Variants in TMEM232 observed in about 807,000 individuals in gnomAD.
TMEM232 encodes transmembrane protein 232.
In TMEM232, 80 loss-of-function variants were observed where a neutral mutation model predicts 78.8. The ratio of observed to expected loss-of-function variants is 1.01; its 90% CI spans 0.85 to 1.22. The LOEUF (loss-of-function observed/expected upper bound fraction) is 1.22. Ranked by LOEUF, TMEM232 falls within the 50% of genes most tolerant of loss-of-function variation. The probability of loss-of-function intolerance (pLI) is 0.00; values close to 1 mark genes in which losing one functional copy is unlikely to be tolerated. For missense variants in TMEM232, 881 were observed against 742.2 expected (o/e 1.19, Z -2.17); for synonymous variants, 297 against 254.3 (o/e 1.17, Z -1.60).
intron 1 of TMEM232, among the ~76,000 whole-genome samples, chr5:110,736,650 T>G (rs920163379): frequency 3.9e-5 from 6 of 152,060 alleles, no homozygotes; most frequent in African/African-American, 1.4e-4. Context: ...ATTACTATTT[T>G]TTGCCTCAGC....
intron 12 of TMEM232, among the ~76,000 whole-genome samples, chr5:110,518,088 C>A (rs2149491000): frequency 6.6e-6 from 1 of 151,612 alleles, no homozygotes; most frequent in Non-Finnish European, 1.5e-5. Flanking sequence ...CTTATTTCTC[C>A]ATTTGCTATT....
At chr5:110,721,494 G>A (rs1797598877) in intron 1 of TMEM232, among the ~76,000 whole-genome samples, 1 of 150,812 alleles carries the variant, frequency 6.6e-6, no homozygotes, top group Non-Finnish European at 1.5e-5. Context: ...CCTCAATTCC[G>A]AGAGAGTACC....
intron 1 of TMEM232, among the ~76,000 whole-genome samples, chr5:110,706,373 C>T (rs546600218): frequency 2.6e-4 from 39 of 152,122 alleles, no homozygotes; most frequent in Admixed American, 2.2e-3. Context: ...TTGTCTTTAC[C>T]ACAGTGGACC....
intron 8 of TMEM232, among the ~76,000 whole-genome samples, chr5:110,611,007 G>A (rs73224393): frequency 0.027 from 4,169 of 152,104 alleles, 191 homozygotes; most frequent in African/African-American, 0.095. Flanking sequence ...AGTGTTAAAT[G>A]GCTGCAGGTG....
chr5:110,708,369 C>T (rs925471318), intron 1 of TMEM232, among the ~76,000 whole-genome samples: 2 of 152,204 alleles, frequency 1.3e-5, no homozygotes, highest in Middle Eastern at 3.4e-3. Flanking sequence ...AAGAAAAGGA[C>T]ATTAATGAGA....
intron 6 of TMEM232, among the ~76,000 whole-genome samples, chr5:110,625,752 G>A: frequency 6.6e-6 from 1 of 151,826 alleles, no homozygotes; most frequent in Non-Finnish European, 1.5e-5. Context: ...AATAGATGCT[G>A]TATTCATAAT....
At chr5:110,612,741 A>T (rs1338274315) in intron 8 of TMEM232, among the ~76,000 whole-genome samples, 7 of 152,190 alleles carry the variant, frequency 4.6e-5, no homozygotes, top group Non-Finnish European at 1.0e-4. Context: ...TTTGTGTTGG[A>T]AGATATAATT....
At chr5:110,728,852 CT>C (rs36095992), upstream of TMEM232, among the ~76,000 whole-genome samples, 19 of 140,586 alleles carry the variant, frequency 1.4e-4, no homozygotes, top group African/African-American at 2.9e-4. Flanking sequence ...TTTTTTTCTG[CT>C]TTTTTTTTTT....
chr5:110,518,032 T>G (rs1205823403), intron 12 of TMEM232, among the ~76,000 whole-genome samples: 1 of 152,130 alleles, frequency 6.6e-6, no homozygotes, highest in Non-Finnish European at 1.5e-5. Context: ...CTCATATCTT[T>G]TCTCTTTCCT....
chr5:110,609,203 A>C (rs748129399), intron 8 of TMEM232, among the ~76,000 whole-genome samples: 10 of 152,040 alleles, frequency 6.6e-5, no homozygotes, highest in Non-Finnish European at 1.5e-4. Flanking sequence ...ATATTCCAGA[A>C]AGCATTGACA....
chr5:110,460,391 G>T (rs1252962351), intron 12 of TMEM232, among the ~76,000 whole-genome samples: 2 of 151,970 alleles, frequency 1.3e-5, no homozygotes, highest in African/African-American at 4.8e-5. Flanking sequence ...TGGGAAAAGG[G>T]TATATGGATG....
chr5:110,709,973 C>T (rs538870678), intron 1 of TMEM232, among the ~76,000 whole-genome samples: 1 of 151,650 alleles, frequency 6.6e-6, no homozygotes, highest in African/African-American at 2.4e-5. Context: ...AAATCAATTA[C>T]CATGAAAGCC....
intron 1 of TMEM232, among the ~76,000 whole-genome samples, chr5:110,693,959 C>A (rs1466508092): frequency 3.9e-5 from 6 of 152,048 alleles, no homozygotes; most frequent in Admixed American, 2.0e-4. Context: ...GAGAATGCCA[C>A]AAAGATACTC....
chr5:110,461,396 C>A (rs1250012826), intron 12 of TMEM232, among the ~76,000 whole-genome samples: 2 of 152,122 alleles, frequency 1.3e-5, no homozygotes, highest in East Asian at 3.9e-4. Context: ...AAAGAAGCTG[C>A]AGAAGAAAAG....
intron 11 of TMEM232, among the ~76,000 whole-genome samples, chr5:110,553,435 CT>C (rs1180427921): frequency 5.3e-5 from 8 of 152,106 alleles, no homozygotes; most frequent in African/African-American, 1.2e-4. Context: ...TTGTAGATAT[CT>C]TTTTTTCCCT....
chr5:110,587,689 A>ATGTGTG (rs1313192902), intron 10 of TMEM232, among the ~76,000 whole-genome samples: 360 of 53,168 alleles, frequency 6.8e-3, no homozygotes, highest in Non-Finnish European at 0.01. Flanking sequence ...ATATATATAT[A>ATGTGTG]TATGTGTGTG....
At chr5:110,473,593 TA>T (rs144757553) in intron 12 of TMEM232, among the ~76,000 whole-genome samples, 6,600 of 147,690 alleles carry the variant, frequency 0.045, 474 homozygotes, top group African/African-American at 0.15. Context: ...ATTAAAAAAT[TA>T]AAAAAAAAAT....
intron 12 of TMEM232, among the ~76,000 whole-genome samples, chr5:110,427,647 A>C (rs1197686964): frequency 6.6e-6 from 1 of 151,910 alleles, no homozygotes; most frequent in Non-Finnish European, 1.5e-5. Context: ...AAGTGTTAGC[A>C]GTCTTGGATA....
intron 12 of TMEM232, among the ~76,000 whole-genome samples, chr5:110,473,610 T>G (rs1429231981): frequency 1.3e-5 from 2 of 151,074 alleles, no homozygotes; most frequent in Admixed American, 1.3e-4. Context: ...AAAATTGAAG[T>G]ACCACATGAT....
Sources: allele counts gnomAD v4.1 joint callset (sites outside exome capture counted in the v4.1 genomes callset), GRCh38; gene constraint gnomAD v4.1.1; transcripts MANE v1.5; gene names NCBI Gene and HGNC (gene_info 2026-07-23, HGNC 2026-07-21).